RMDN2: variants seen among roughly 807,000 people sequenced by gnomAD.
RMDN2 encodes regulator of microtubule dynamics 2.
In RMDN2, 61 loss-of-function variants were observed where a neutral mutation model predicts 52.8. The ratio of observed to expected loss-of-function variants is 1.16; its 90% CI spans 0.94 to 1.43. RMDN2 has a LOEUF of 1.43. RMDN2 is among the 40% of genes most tolerant of loss of function. The probability of loss-of-function intolerance (pLI) is 0.00; values close to 1 mark genes in which losing one functional copy is unlikely to be tolerated. For synonymous variants in RMDN2, 180 were observed against 153.1 expected, an observed-to-expected ratio of 1.18 and a Z score of -1.30; for missense variants, 592 against 475.3, an observed-to-expected ratio of 1.25 and a Z score of -2.28.
intron 5 of RMDN2, among the ~76,000 whole-genome samples, chr2:37,988,406 GTCC>G (rs1336610247): frequency 3.9e-5 from 6 of 152,084 alleles, no homozygotes; most frequent in Non-Finnish European, 7.3e-5. Flanking sequence ...CGTTGATATG[GTCC>G]TCCTCCTTGC....
At position 38,017,272 on chromosome 2, in the gene RMDN2, TG is replaced by T; in HGVS notation, c.*35del. 1 of 1,490,970 alleles carries T rather than the reference TG, an allele frequency of 6.7e-7. No homozygotes were observed. The highest frequency in any genetic ancestry group is 2.5e-5 in the East Asian group (1 of 39,470). 92.4% of individuals were successfully genotyped at this position (1,490,970 alleles called of 1,614,324 possible). A position where few individuals can be genotyped will look rare whatever the true frequency, so the allele number is the denominator to read the frequency against. ...AATTTACTCTTCAACAAATCAGATG[TG>T]GTCTACCAAAATTTAAATGAATCAA... is the stretch of plus-strand genomic sequence containing the variant. On this transcript the variant is annotated 3_prime_UTR_variant, in exon 11 of 11. Transcript: ENST00000354545.
At chr2:38,002,291 C>T (rs1285027168) in intron 8 of RMDN2, among the ~76,000 whole-genome samples, 2 of 152,164 alleles carry the variant, frequency 1.3e-5, no homozygotes, top group Non-Finnish European at 2.9e-5. Flanking sequence ...CACACATGTA[C>T]ACAAGCATAT....
intron 10 of RMDN2, among the ~76,000 whole-genome samples, chr2:38,059,982 C>G (rs559469580): frequency 1.3e-5 from 2 of 152,252 alleles, no homozygotes; most frequent in South Asian, 4.1e-4. Context: ...ACTGCAACCT[C>G]CGCCTCTCAG....
chr2:38,059,896 G>C (rs555413103), intron 10 of RMDN2, among the ~76,000 whole-genome samples: 45 of 151,566 alleles, frequency 3.0e-4, no homozygotes, highest in African/African-American at 1.1e-3. Context: ...TTTTGTTTTT[G>C]TTTTTGTTTT....
chr2:38,027,229 A>G (rs1300398732), intron 10 of RMDN2: 4 of 152,170 alleles, frequency 2.6e-5, no homozygotes, highest in South Asian at 2.1e-4. Context: ...TGCTCCATAC[A>G]CAGACCTGGA....
intron 10 of RMDN2, among the ~76,000 whole-genome samples, chr2:38,037,875 G>A (rs1037231498): frequency 1.3e-5 from 2 of 152,108 alleles, no homozygotes. Flanking sequence ...TAGCTCACAC[G>A]GTGCCACAGC....
chr2:37,967,476 A>G (rs933114872), intron 2 of RMDN2, among the ~76,000 whole-genome samples: 5 of 152,250 alleles, frequency 3.3e-5, no homozygotes, highest in Admixed American at 6.5e-5. Flanking sequence ...AAGTGGTCCA[A>G]TCAAAGCAAA....
Position 37,951,795 on chromosome 2 carries a change from A to T in RMDN2, c.452+22066A>T, listed in dbSNP as rs80125475. The T allele has an allele frequency of 5.8e-4, 937 of 1,613,504 alleles. 5 individuals carry two copies. The African/African-American group carries it at 0.011, about 19-fold the overall frequency. On this transcript the variant is annotated intron_variant, in intron 2 of 10. Coordinates refer to ENST00000354545, the MANE Select transcript of RMDN2 (RefSeq NM_001170791.3). The stretch of plus-strand genomic sequence containing the variant: ...AAATTTTAAGAATTTTGAAACAAAC[A>T]CTACTTCTCCAGCCTTTGGGAACAC...
intron 10 of RMDN2, among the ~76,000 whole-genome samples, chr2:38,064,618 C>T (rs903110092): frequency 6.6e-6 from 1 of 151,986 alleles, no homozygotes; most frequent in Non-Finnish European, 1.5e-5. Flanking sequence ...CCTTTTTTCA[C>T]CCTTGCTTCT....
At chr2:37,937,650 T>C (rs1667419456) in intron 2 of RMDN2, among the ~76,000 whole-genome samples, 1 of 152,218 alleles carries the variant, frequency 6.6e-6, no homozygotes, top group African/African-American at 2.4e-5. Flanking sequence ...TTTTATTCTA[T>C]CTGTAGCAAT....
chr2:38,017,500 C>T lies in RMDN2; in HGVS notation c.*261C>T. 1 of 1,094,324 alleles carries T rather than the reference C, an allele frequency of 9.1e-7. No homozygotes were observed. The highest frequency in any genetic ancestry group is 1.2e-6 in the Non-Finnish European group (1 of 823,372). 67.8% of individuals were successfully genotyped at this position (1,094,324 alleles called of 1,614,324 possible). A position where few individuals can be genotyped will look rare whatever the true frequency, so the allele number is the denominator to read the frequency against. On this transcript the variant is annotated 3_prime_UTR_variant, in exon 11 of 11. Transcript: ENST00000354545. ...ATTTTTCTTATCAATAAACTGCAGC[C>T]TTAAGAATATTTCTTTAAATAAAAT...
intron 10 of RMDN2, among the ~76,000 whole-genome samples, chr2:38,045,476 TA>T (rs1278570500): frequency 6.6e-6 from 1 of 152,192 alleles, no homozygotes; most frequent in East Asian, 1.9e-4. Context: ...ACCTAATCTT[TA>T]AAAAGGAGCA....
intron 2 of RMDN2, among the ~76,000 whole-genome samples, chr2:37,941,733 A>G (rs186077718): frequency 5.9e-5 from 9 of 152,172 alleles, no homozygotes; most frequent in African/African-American, 2.2e-4. Flanking sequence ...GTAATGGTGG[A>G]TGCCCCTTCC....
At chr2:38,062,280 CT>C (rs929555833) in intron 10 of RMDN2, among the ~76,000 whole-genome samples, 2 of 152,230 alleles carry the variant, frequency 1.3e-5, no homozygotes, top group Non-Finnish European at 2.9e-5. Context: ...CATCATGACA[CT>C]TTTGTCTCTC....
chr2:38,020,475 C>G (rs2125255904), downstream of RMDN2, among the ~76,000 whole-genome samples: 1 of 152,342 alleles, frequency 6.6e-6, no homozygotes, highest in East Asian at 1.9e-4. Flanking sequence ...CTGGCCAAGG[C>G]CGGAGCCGGC....
At chr2:38,049,439 T>G (rs530099785) in intron 10 of RMDN2, among the ~76,000 whole-genome samples, 2 of 152,178 alleles carry the variant, frequency 1.3e-5, no homozygotes, top group Admixed American at 1.3e-4. Context: ...CTGCTAAGAG[T>G]GGAATGTGAA....
chr2:38,054,835 G>C (rs1316037930), intron 10 of RMDN2, among the ~76,000 whole-genome samples: 2 of 152,096 alleles, frequency 1.3e-5, no homozygotes, highest in African/African-American at 4.8e-5. Flanking sequence ...CCCTCTTCAA[G>C]CCCACACTTA....
intron 2 of RMDN2, among the ~76,000 whole-genome samples, chr2:37,931,077 C>G (rs1572675897): frequency 7.2e-6 from 1 of 139,524 alleles, no homozygotes; most frequent in South Asian, 2.3e-4. Context: ...TAGATTCCTT[C>G]TGAATATTTT....
rs576306387 is a variant in RMDN2 at position 37,988,091 on chromosome 2, T to C, written c.792-1450T>C. On this transcript the variant is annotated intron_variant, in intron 5 of 10. Transcript: ENST00000354545. Reference sequence around the variant, plus strand: ...ATAAATAATAGTGGGGGCTATAATGTAGGGGCTAGGATAGGAGATATATGG... The same window carrying C: ...ATAAATAATAGTGGGGGCTATAATGCAGGGGCTAGGATAGGAGATATATGG... 2.6e-5 allele frequency among the ~76,000 whole-genome samples: 4 copies of C among 152,292 alleles called. No homozygotes were observed. In the South Asian group the frequency reaches 6.2e-4, roughly 24 times the overall value.
Sources: allele counts gnomAD v4.1 joint callset (sites outside exome capture counted in the v4.1 genomes callset), GRCh38; gene constraint gnomAD v4.1.1; transcripts MANE v1.5; gene names NCBI Gene and HGNC (gene_info 2026-07-23, HGNC 2026-07-21).